The following POU2F1 variants were observed in gnomAD, a reference collection of about 807,000 sequenced individuals.
The protein encoded by POU2F1 is POU domain, class 2, transcription factor 1.
Under a neutral mutation model 84.9 loss-of-function variants are expected in POU2F1, and 16 were observed. The ratio of observed to expected loss-of-function variants is 0.19; its 90% CI spans 0.13 to 0.29. The LOEUF (loss-of-function observed/expected upper bound fraction) is 0.29, where lower values mean the gene tolerates loss of function less well. Ranked by LOEUF, POU2F1 falls within the 10% of genes least tolerant of loss-of-function variation. The pLI, the probability that POU2F1 is intolerant of heterozygous loss-of-function variation, is 1.00. For synonymous variants in POU2F1, 368 were observed against 368.3 expected (o/e 1.00, Z 0.01); for missense variants, 738 against 942.6 (o/e 0.78, Z 2.84).
chr1:167,253,827 AG>A (rs1380174771), intron 1 of POU2F1, among the ~76,000 whole-genome samples: 3 of 152,158 alleles, frequency 2.0e-5, no homozygotes, highest in African/African-American at 7.2e-5. Flanking sequence ...TGTGGAGAAA[AG>A]AATAGAAATG....
intron 13 of POU2F1, among the ~76,000 whole-genome samples, chr1:167,407,781 G>A (rs1238218896): frequency 6.6e-6 from 1 of 152,140 alleles, no homozygotes; most frequent in East Asian, 1.9e-4. Context: ...CTAAATATAA[G>A]AGCTGAAACT....
intron 14 of POU2F1, 91 bp downstream of exon 14, chr1:167,412,395 G>A: frequency 1.8e-6 from 2 of 1,133,182 alleles, no homozygotes; most frequent in South Asian, 3.4e-5. Context: ...GACTTAGATG[G>A]GGAAAAAAAT....
rs370145702 is a variant in POU2F1, at chr1:167,415,439, C to T, written c.1991-61C>T. On this transcript the variant is annotated intron_variant, in intron 15 of 15. Coordinates refer to ENST00000367866, the MANE Select transcript of POU2F1 (RefSeq NM_002697.4). ...GATAGACTTTTGATGTGTTATTTGG[C>T]TTCTCCAGGATGATGTTAATGTTTT... 41 of 1,529,374 alleles carry T rather than the reference C, an allele frequency of 2.7e-5. No homozygotes were observed. The African/African-American group carries it at 5.0e-4, about 19-fold the overall frequency. 94.7% of individuals were successfully genotyped at this position (1,529,374 alleles called of 1,614,324 possible).
intron 7 of POU2F1, among the ~76,000 whole-genome samples, chr1:167,382,923 T>G (rs146897927): frequency 6.6e-6 from 1 of 152,288 alleles, no homozygotes; most frequent in African/African-American, 2.4e-5. Context: ...CAGGCTTAAG[T>G]GTTCTGGCTG....
chr1:167,310,667 G>A (rs746703515), intron 1 of POU2F1, among the ~76,000 whole-genome samples: 15 of 152,072 alleles, frequency 9.9e-5, no homozygotes, highest in Non-Finnish European at 1.6e-4. Context: ...TAATTACCAC[G>A]ATGACAGAGA....
intron 1 of POU2F1, among the ~76,000 whole-genome samples, chr1:167,246,486 T>C (rs1004853687): frequency 6.6e-6 from 1 of 152,322 alleles, no homozygotes; most frequent in African/African-American, 2.4e-5. Context: ...TTAAAAAATA[T>C]TGAATGAAAT....
chr1:167,377,274 C>T (rs1234697331), intron 7 of POU2F1, among the ~76,000 whole-genome samples: 1 of 152,106 alleles, frequency 6.6e-6, no homozygotes, highest in Non-Finnish European at 1.5e-5. Flanking sequence ...TTAGTGCTTC[C>T]TAAGATTTGA....
chr1:167,377,970 T>G (rs1187996995), intron 7 of POU2F1, among the ~76,000 whole-genome samples: 1 of 152,182 alleles, frequency 6.6e-6, no homozygotes. Flanking sequence ...TTTAGGTTGA[T>G]TCCATGTCTT....
chr1:167,354,040 AT>A (rs1658771471), intron 2 of POU2F1, among the ~76,000 whole-genome samples: 1 of 152,202 alleles, frequency 6.6e-6, no homozygotes, highest in Non-Finnish European at 1.5e-5. Flanking sequence ...TGGATATTTT[AT>A]TACTGATTTC....
intron 13 of POU2F1, among the ~76,000 whole-genome samples, chr1:167,406,634 G>C (rs1003850638): frequency 1.3e-5 from 2 of 152,028 alleles, no homozygotes; most frequent in Admixed American, 1.3e-4. Context: ...ACCAAAAAAA[G>C]GTATCTAGGA....
At chr1:167,311,516 G>A (rs1248686070) in intron 1 of POU2F1, among the ~76,000 whole-genome samples, 2 of 152,074 alleles carry the variant, frequency 1.3e-5, no homozygotes, top group African/African-American at 4.8e-5. Flanking sequence ...ATATAACAAT[G>A]TTTCAGTCAA....
At chr1:167,295,242 A>G (rs190188785) in intron 1 of POU2F1, among the ~76,000 whole-genome samples, 73 of 152,324 alleles carry the variant, frequency 4.8e-4, no homozygotes, top group African/African-American at 1.7e-3. Flanking sequence ...TGTTTATTGC[A>G]GCCCAATTCA....
chr1:167,312,521 C>T (rs1035427569), intron 1 of POU2F1, among the ~76,000 whole-genome samples: 1 of 152,108 alleles, frequency 6.6e-6, no homozygotes, highest in Non-Finnish European at 1.5e-5. Context: ...TGAGCCACCA[C>T]ACCTGGCTAA....
chr1:167,257,064 G>C (rs1401868675), intron 1 of POU2F1, among the ~76,000 whole-genome samples: 1 of 152,178 alleles, frequency 6.6e-6, no homozygotes, highest in Non-Finnish European at 1.5e-5. Context: ...TCAAGGTACT[G>C]TTGGCGATAA....
At chr1:167,340,219 A>G (rs1172467191) in intron 2 of POU2F1, among the ~76,000 whole-genome samples, 1 of 151,354 alleles carries the variant, frequency 6.6e-6, no homozygotes, top group Non-Finnish European at 1.5e-5. Flanking sequence ...AGCTGGGATT[A>G]CAGGCATGCA....
chr1:167,255,521 A>G (rs1433443353), intron 1 of POU2F1, among the ~76,000 whole-genome samples: 3 of 152,230 alleles, frequency 2.0e-5, no homozygotes, highest in Admixed American at 2.0e-4. Context: ...AGCATACATT[A>G]AAGAATATGA....
chr1:167,346,630 C>T (rs547725126), intron 2 of POU2F1, among the ~76,000 whole-genome samples: 2 of 152,284 alleles, frequency 1.3e-5, no homozygotes, highest in South Asian at 2.1e-4. Flanking sequence ...GTTCACATTA[C>T]GGTTCACGCG....
chr1:167,353,594 G>A (rs6656126), intron 2 of POU2F1, among the ~76,000 whole-genome samples: 16,208 of 151,874 alleles, frequency 0.11, 2,144 homozygotes, highest in African/African-American at 0.32. Flanking sequence ...ACGCTGTCCC[G>A]CCAGTACCTG....
intron 2 of POU2F1, among the ~76,000 whole-genome samples, chr1:167,344,634 A>G (rs964377333): frequency 6.6e-6 from 1 of 152,188 alleles, no homozygotes; most frequent in Admixed American, 6.5e-5. Flanking sequence ...TAGCTGTAAG[A>G]TGGAGATAAA....
Sources: allele counts gnomAD v4.1 joint callset (sites outside exome capture counted in the v4.1 genomes callset), GRCh38; gene constraint gnomAD v4.1.1; transcripts MANE v1.5; gene names NCBI Gene and HGNC (gene_info 2026-07-23, HGNC 2026-07-21).